GABRB2: variants seen among roughly 807,000 people sequenced by gnomAD.
GABRB2 encodes the protein gamma-aminobutyric acid type A receptor subunit beta2.
GABRB2 carries 16 observed loss-of-function variants against 54.7 expected under a neutral mutation model. That is an observed-to-expected ratio of 0.29 (90% CI 0.20 to 0.44). GABRB2 has a LOEUF of 0.44. GABRB2 is among the 20% of genes least tolerant of loss of function. GABRB2 has a pLI of 1.00. For missense variants in GABRB2, 355 were observed against 644.0 expected, an observed-to-expected ratio of 0.55 and a Z score of 4.86; for synonymous variants, 244 against 233.8, an observed-to-expected ratio of 1.04 and a Z score of -0.40.
At chr5:161,501,021 T>A (rs2113377983) in intron 3 of GABRB2, among the ~76,000 whole-genome samples, 1 of 151,946 alleles carries the variant, frequency 6.6e-6, no homozygotes, top group East Asian at 1.9e-4. Flanking sequence ...AGTGTGATGT[T>A]CCCCTTCCTG....
At chr5:161,508,419 C>A (rs1218445289) in intron 3 of GABRB2, among the ~76,000 whole-genome samples, 1 of 150,612 alleles carries the variant, frequency 6.6e-6, no homozygotes, top group Non-Finnish European at 1.5e-5. Context: ...AGAGATGAGG[C>A]TTGAGAGGTG....
chr5:161,530,778 C>G (rs1388430245), intron 3 of GABRB2, among the ~76,000 whole-genome samples: 1 of 152,054 alleles, frequency 6.6e-6, no homozygotes, highest in Non-Finnish European at 1.5e-5. Flanking sequence ...TCAGTGAATT[C>G]TGTTTAAAAA....
intron 4 of GABRB2, among the ~76,000 whole-genome samples, chr5:161,425,841 T>C (rs1452982521): frequency 1.3e-5 from 2 of 152,168 alleles, no homozygotes; most frequent in Non-Finnish European, 2.9e-5. Flanking sequence ...GCAAATTGTC[T>C]TTTGTTTTTT....
intron 4 of GABRB2, among the ~76,000 whole-genome samples, chr5:161,431,609 G>C (rs983213574): frequency 6.6e-6 from 1 of 152,028 alleles, no homozygotes; most frequent in Non-Finnish European, 1.5e-5. Flanking sequence ...ATTAGTATTC[G>C]ACAAAAAGCA....
At chr5:161,409,723 G>T (rs999836085) in intron 5 of GABRB2, among the ~76,000 whole-genome samples, 22 of 152,042 alleles carry the variant, frequency 1.4e-4, no homozygotes, top group African/African-American at 5.1e-4. Flanking sequence ...AATTACAAAA[G>T]AATTTGAACT....
At chr5:161,376,505 A>G (rs1019415874) in intron 5 of GABRB2, among the ~76,000 whole-genome samples, 1 of 152,104 alleles carries the variant, frequency 6.6e-6, no homozygotes, top group Non-Finnish European at 1.5e-5. Context: ...GAAAGATAAT[A>G]AAAAAAGATA....
intron 9 of GABRB2, among the ~76,000 whole-genome samples, chr5:161,316,866 G>T (rs1056847152): frequency 6.6e-6 from 1 of 152,024 alleles, no homozygotes; most frequent in Non-Finnish European, 1.5e-5. Context: ...CCTGCCTCGG[G>T]CTCCCAAAGT....
At chr5:161,370,100 G>T (rs1370712640) in intron 5 of GABRB2, among the ~76,000 whole-genome samples, 2 of 151,966 alleles carry the variant, frequency 1.3e-5, no homozygotes, top group African/African-American at 4.8e-5. Context: ...AAATTATGAA[G>T]AAGAAAAACA....
intron 5 of GABRB2, among the ~76,000 whole-genome samples, chr5:161,401,492 A>C (rs1756189806): frequency 6.6e-6 from 1 of 152,164 alleles, no homozygotes; most frequent in Non-Finnish European, 1.5e-5. Context: ...ATTTAAGGGT[A>C]GAAAATAGTT....
At chr5:161,489,357 G>T (rs942516859) in intron 3 of GABRB2, among the ~76,000 whole-genome samples, 1 of 151,588 alleles carries the variant, frequency 6.6e-6, no homozygotes, top group African/African-American at 2.4e-5. Flanking sequence ...GATTTAGCTC[G>T]CAGTCTGTGC....
intron 5 of GABRB2, among the ~76,000 whole-genome samples, chr5:161,401,394 T>G (rs13157803): frequency 0.022 from 3,363 of 152,298 alleles, 58 homozygotes; most frequent in Non-Finnish European, 0.034. Flanking sequence ...CAGGAATGCG[T>G]AGAATATTAT....
chr5:161,477,024 AT>A (rs1343147271), intron 3 of GABRB2, among the ~76,000 whole-genome samples: 1 of 151,906 alleles, frequency 6.6e-6, no homozygotes, highest in East Asian at 1.9e-4. Context: ...CTTGTAAATA[AT>A]GTATCTGAGA....
Position 161,288,887 on chromosome 5 carries a change from A to G in GABRB2, c.*5194T>C, listed in dbSNP as rs1757157743. Reference sequence around the variant, plus strand: ...TGCTGTGAGGTTTAAATTAAACTATAGGCAACTTTGTTGGGATTAATTATG... The same window carrying G: ...TGCTGTGAGGTTTAAATTAAACTATGGGCAACTTTGTTGGGATTAATTATG... On this transcript the variant is annotated 3_prime_UTR_variant, in exon 10 of 10. Transcript: ENST00000393959. 6.6e-6 allele frequency: 1 copy of G among 152,210 alleles called. No individual in the cohort carries two copies. The highest frequency in any genetic ancestry group is 6.5e-5 in the Admixed American group (1 of 15,270). 9.4% of individuals were successfully genotyped at this position (152,210 alleles called of 1,614,324 possible). A position where few individuals can be genotyped will look rare whatever the true frequency, so the allele number is the denominator to read the frequency against.
chr5:161,453,445 A>G (rs1757851906), intron 4 of GABRB2, among the ~76,000 whole-genome samples: 1 of 152,140 alleles, frequency 6.6e-6, no homozygotes, highest in African/African-American at 2.4e-5. Flanking sequence ...GGCAGGATCT[A>G]ATGGGATTAG....
chr5:161,387,895 C>G (rs1368127044), intron 5 of GABRB2, among the ~76,000 whole-genome samples: 1 of 152,016 alleles, frequency 6.6e-6, no homozygotes, highest in Admixed American at 6.6e-5. Context: ...TAGTAATATA[C>G]AAACCCTAAC....
chr5:161,483,042 T>G (rs973771843), intron 3 of GABRB2, among the ~76,000 whole-genome samples: 2 of 152,056 alleles, frequency 1.3e-5, no homozygotes, highest in Non-Finnish European at 2.9e-5. Context: ...AAATTTGCTA[T>G]GCACATTAAT....
chr5:161,436,029 GTAAC>G (rs1410757826), intron 4 of GABRB2, among the ~76,000 whole-genome samples: 1 of 152,132 alleles, frequency 6.6e-6, no homozygotes, highest in African/African-American at 2.4e-5. Flanking sequence ...GCAATACAGA[GTAAC>G]TGTTATAATT....
intron 3 of GABRB2, among the ~76,000 whole-genome samples, chr5:161,482,628 T>C (rs1189078330): frequency 6.6e-6 from 1 of 152,114 alleles, no homozygotes; most frequent in African/African-American, 2.4e-5. Context: ...GGCATAACTA[T>C]GGAATTTATT....
chr5:161,291,080 T>A lies in GABRB2; in HGVS notation c.*3001A>T, dbSNP rs1580951059. ...TTCCTTATGCAAACACATGATTATG[T>A]TGCATGAGTTTTCAACTCTGAAATG... On this transcript the variant is annotated 3_prime_UTR_variant, in exon 10 of 10. Transcript: ENST00000393959. The A allele has an allele frequency of 6.6e-6, 1 of 152,560 alleles. No homozygotes were observed. Among genetic ancestry groups the A allele is most frequent in the African/African-American group, 2.4e-5 (1 of 41,442 alleles). The allele number at this position is 152,560 out of a possible 1,614,324, so 9.5% of individuals were successfully genotyped here.
Sources: allele counts gnomAD v4.1 joint callset (sites outside exome capture counted in the v4.1 genomes callset), GRCh38; gene constraint gnomAD v4.1.1; transcripts MANE v1.5; gene names NCBI Gene and HGNC (gene_info 2026-07-23, HGNC 2026-07-21).